ZNF486: variants seen among roughly 807,000 people sequenced by gnomAD.
ZNF486 encodes KRAB box only protein 2.
A neutral mutation model predicts 12.8 loss-of-function variants in ZNF486; 12 were observed. The observed-to-expected ratio is 0.94, with a 90% CI of 0.60 to 1.52. The LOEUF (loss-of-function observed/expected upper bound fraction) is 1.52, where lower values mean the gene tolerates loss of function less well. ZNF486 is among the 40% of genes most tolerant of loss of function. ZNF486 has a pLI of 0.00. For missense variants in ZNF486, 738 were observed against 545.0 expected (o/e 1.35, Z -3.53); for synonymous variants, 231 against 184.9 (o/e 1.25, Z -2.02).
At chr19:20,186,171 G>C in intron 3 of ZNF486, 89 bp downstream of exon 3, 2 of 919,440 alleles carry the variant, frequency 2.2e-6, no homozygotes, top group South Asian at 2.3e-5. Flanking sequence ...ATGTGATCTG[G>C]GAAGCTGTGT....
chr19:20,180,557 T>C (rs375499107), intron 1 of ZNF486, among the ~76,000 whole-genome samples: 15 of 152,238 alleles, frequency 9.9e-5, no homozygotes, highest in African/African-American at 3.4e-4. Context: ...GGGATATTTA[T>C]GAATAGAATA....
At chr19:20,189,852 G>A (rs2089885680) in intron 3 of ZNF486, among the ~76,000 whole-genome samples, 1 of 152,084 alleles carries the variant, frequency 6.6e-6, no homozygotes, top group Admixed American at 6.5e-5. Flanking sequence ...TGTATTTGTT[G>A]CTCATGCATT....
chr19:20,174,598 A>T (rs2089685676), intron 1 of ZNF486, among the ~76,000 whole-genome samples: 1 of 152,092 alleles, frequency 6.6e-6, no homozygotes, highest in South Asian at 2.1e-4. Flanking sequence ...CATGTTCGCC[A>T]GTTTGATCTT....
chr19:20,175,960 A>G (rs10417888), intron 1 of ZNF486: 59,454 of 168,288 alleles, frequency 0.35, 14,531 homozygotes, highest in African/African-American at 0.72. Context: ...CGGGCAGGGG[A>G]CTGACCCCAC....
rs1158464208 is a variant in ZNF486 at position 20,184,403 on chromosome 19, G to A, written c.78G>A (p.Glu26=). The A allele has an allele frequency of 6.2e-7, 1 of 1,613,492 alleles. No homozygotes were observed. Among genetic ancestry groups the A allele is most frequent in the African/African-American group, 1.3e-5 (1 of 74,912 alleles). ...TGGCTGTAGAATTCTCTCTGGAGGA[G>A]TGGCATTGCCTGGACACTGCACAGC... ...RDVAVEFSLE[E]WHCLDTAQQN... is the part of the protein sequence containing the mutation. The change falls in exon 2 of 4, where the codon GAG becomes GAA. Residue 26 remains glutamate (E), a synonymous_variant. Coordinates refer to ENST00000335117, the MANE Select transcript of ZNF486 (RefSeq NM_052852.4).
At chr19:20,190,060 T>C (rs1479789886) in intron 3 of ZNF486, among the ~76,000 whole-genome samples, 2 of 152,218 alleles carry the variant, frequency 1.3e-5, no homozygotes, top group African/African-American at 4.8e-5. Flanking sequence ...AGATATTACT[T>C]TTCTCTATTT....
chr19:20,195,738 TTTA>T (rs1315065376), intron 3 of ZNF486, among the ~76,000 whole-genome samples: 2 of 152,210 alleles, frequency 1.3e-5, no homozygotes, highest in Non-Finnish European at 2.9e-5. Context: ...AAATTTTGTG[TTTA>T]TTGTTTAGTT....
At chr19:20,167,403 G>A in intron 1 of ZNF486, 43 bp downstream of exon 1, 1 of 1,605,078 alleles carries the variant, frequency 6.2e-7, no homozygotes, top group Non-Finnish European at 8.5e-7. Flanking sequence ...GGAGGGACTG[G>A]TTGATGGGAA....
At position 20,185,981 on chromosome 19, in the gene ZNF486, A is replaced by C; in HGVS notation, c.158-6A>C. ...AGATTAATGCTATTTATTTTTAATG[A>C]AACAGGTATTATTGTCTCTAAGCCA... On this transcript the variant is annotated splice_polypyrimidine_tract_variant and splice_region_variant and intron_variant, in intron 2 of 3. Coordinates refer to ENST00000335117, the MANE Select transcript of ZNF486 (RefSeq NM_052852.4). The C allele has an allele frequency of 6.6e-7, 1 of 1,526,370 alleles. No individual in the cohort carries two copies. 94.6% of individuals were successfully genotyped at this position (1,526,370 alleles called of 1,614,324 possible).
rs782030765 is a variant in ZNF486 at position 20,197,279 on chromosome 19, C to A, written c.569C>A (p.Ala190Asp). ...TTGAAATATATAGAAGGTGACAAAG[C>A]TTTTAACCAGTCCTCAACCCATACT... ...KPLKYIEGDK[A>D]FNQSSTHTTH... is the part of the protein sequence containing the mutation. The change falls in exon 4 of 4, where the codon GCT becomes GAT. Residue 190 changes from alanine (A) to aspartate (D), a missense_variant. By Grantham distance (126) the Ala-to-Asp change is moderately radical. Transcript: ENST00000335117. 1.9e-6 allele frequency: 3 copies of A among 1,610,260 alleles called. No homozygotes were observed. In the Admixed American group the frequency reaches 5.1e-5, roughly 27 times the overall value.
Position 20,198,517 on chromosome 19 carries a change from TTTTA to T in ZNF486, c.*419_*422del. ...TGTAACAAGTTCTCAATTCTTTTATTTTTATTTGTTTATTTATTTTTTGAGATGC... is the reference window on the plus strand; with the variant it reads ...TGTAACAAGTTCTCAATTCTTTTATTTTTGTTTATTTATTTTTTGAGATGC... On this transcript the variant is annotated 3_prime_UTR_variant, in exon 4 of 4. Transcript: ENST00000335117. 5.5e-6 allele frequency: 1 copy of T among 182,286 alleles called. No individual in the cohort carries two copies. Among genetic ancestry groups the T allele is most frequent in the South Asian group, 1.2e-4 (1 of 8,528 alleles). 11.3% of individuals were successfully genotyped at this position (182,286 alleles called of 1,614,324 possible). A position where few individuals can be genotyped will look rare whatever the true frequency, so the allele number is the denominator to read the frequency against.
chr19:20,169,888 GTTTTTT>G (rs781968530), intron 1 of ZNF486, among the ~76,000 whole-genome samples: 1 of 108,914 alleles, frequency 9.2e-6, no homozygotes, highest in Non-Finnish European at 1.8e-5. Context: ...GGGGTTGTAT[GTTTTTT>G]TTTTTTTTTT....
chr19:20,197,953 T>C lies in ZNF486; in HGVS notation c.1243T>C (p.Tyr415His), dbSNP rs1555718368. 6.2e-7 allele frequency: 1 copy of C among 1,613,776 alleles called. No individual in the cohort carries two copies. Among genetic ancestry groups the C allele is most frequent in the Admixed American group, 1.7e-5 (1 of 60,002 alleles). ...CAAATGTGAAGAATGTGGCAAAGCG[T>C]ATACTACATCCTCAAATCTAACTGA... ...PYKCEECGKAYTTSSNLTEHK... is the reference protein window; with the variant it reads ...PYKCEECGKAHTTSSNLTEHK... Residue 415 changes from tyrosine to histidine, a missense_variant, in exon 4 of 4, where the codon TAT becomes CAT. Coordinates refer to ENST00000335117, the MANE Select transcript of ZNF486 (RefSeq NM_052852.4).
At position 20,183,716 on chromosome 19, in the gene ZNF486, T is replaced by C. The variant is rs372473215; in HGVS notation, c.31-640T>C. Among the ~76,000 whole-genome samples, 3 of 152,248 alleles carry C rather than the reference T, an allele frequency of 2.0e-5. No homozygotes were observed. The East Asian group carries it at 5.8e-4, about 29-fold the overall frequency. On this transcript the variant is annotated intron_variant, in intron 1 of 3. Coordinates refer to ENST00000335117, the MANE Select transcript of ZNF486 (RefSeq NM_052852.4). Reference sequence around the variant, plus strand: ...CTATTCATTATTATGTTTATGCAGCTGATATGCATAAACCTCACATTAAAT... The same window carrying C: ...CTATTCATTATTATGTTTATGCAGCCGATATGCATAAACCTCACATTAAAT...
chr19:20,186,040 C>G lies in ZNF486; in HGVS notation c.211C>G (p.Pro71Ala), dbSNP rs1568323173. The part of the protein sequence containing the change: ...LITCLEQGIK[P>A]LTMKRHEMIA... ...CACCTGTCTGGAGCAAGGAATAAAA[C>G]CTCTGACTATGAAGAGACATGAGAT... The change falls in exon 3 of 4, where the codon CCT (proline) becomes GCT (alanine). Residue 71 changes from proline to alanine, a missense_variant. By Grantham distance (27) the Pro-to-Ala change is conservative. Transcript: ENST00000335117. 1 of 1,594,360 alleles carries G rather than the reference C, an allele frequency of 6.3e-7. No individual in the cohort carries two copies. Among genetic ancestry groups the G allele is most frequent in the Admixed American group, 1.8e-5 (1 of 56,672 alleles).
chr19:20,178,532 G>T (rs749973285), intron 1 of ZNF486, among the ~76,000 whole-genome samples: 1 of 152,054 alleles, frequency 6.6e-6, no homozygotes, highest in African/African-American at 2.4e-5. Context: ...GTGAGCCACC[G>T]CGCCTGGCCA....
In ZNF486 at chr19:20,181,787, A is replaced by T. The variant is rs554698351; in HGVS notation, c.31-2569A>T. Among the ~76,000 whole-genome samples the T allele has an allele frequency of 5.9e-5, 9 of 152,196 alleles. No individual in the cohort carries two copies. In the South Asian group the frequency reaches 6.2e-4, roughly 11 times the overall value. ...CTATATTTTGCTTTTACAGTGTTTT[A>T]AAAAAATTCATGACAGAGAAACAGA... On this transcript the variant is annotated intron_variant, in intron 1 of 3. Coordinates refer to ENST00000335117, the MANE Select transcript of ZNF486 (RefSeq NM_052852.4).
chr19:20,178,336 T>C (rs925333188), intron 1 of ZNF486, among the ~76,000 whole-genome samples: 1 of 152,114 alleles, frequency 6.6e-6, no homozygotes, highest in Non-Finnish European at 1.5e-5. Flanking sequence ...CTCCACCTCC[T>C]GGGTTCATGC....
At chr19:20,168,835 G>T (rs1357603253) in intron 1 of ZNF486, among the ~76,000 whole-genome samples, 1 of 152,056 alleles carries the variant, frequency 6.6e-6, no homozygotes, top group Admixed American at 6.5e-5. Flanking sequence ...GCAAAAGGAG[G>T]GGGTTAAAAA....
Sources: allele counts gnomAD v4.1 joint callset (sites outside exome capture counted in the v4.1 genomes callset), GRCh38; gene constraint gnomAD v4.1.1; transcripts MANE v1.5; gene names NCBI Gene and HGNC (gene_info 2026-07-23, HGNC 2026-07-21).